The following RFC3 variants were observed in gnomAD, a reference collection of about 807,000 sequenced individuals.
RFC3 encodes the protein A1 38 kDa subunit.
Under a neutral mutation model 45.1 loss-of-function variants are expected in RFC3, and 41 were observed. The ratio of observed to expected loss-of-function variants is 0.91; its 90% CI spans 0.71 to 1.18. The LOEUF (loss-of-function observed/expected upper bound fraction) is 1.18, where lower values mean the gene tolerates loss of function less well. Among genes scored for constraint, RFC3 ranks in the 50% most tolerant of loss-of-function variants. The probability of loss-of-function intolerance (pLI) is 0.00; values close to 1 mark genes in which losing one functional copy is unlikely to be tolerated. For missense variants in RFC3, 423 were observed against 428.1 expected (o/e 0.99, Z 0.10); for synonymous variants, 149 against 144.0 (o/e 1.03, Z -0.25).
At chr13:33,843,429 C>T (rs2082214690) in intron 8 of RFC3, among the ~76,000 whole-genome samples, 1 of 152,190 alleles carries the variant, frequency 6.6e-6, no homozygotes, top group Non-Finnish European at 1.5e-5. Context: ...AGCTTATGCT[C>T]CTTTTGCAGT....
intron 8 of RFC3, among the ~76,000 whole-genome samples, chr13:33,960,361 A>T (rs1440940536): frequency 6.6e-6 from 1 of 152,204 alleles, no homozygotes; most frequent in Non-Finnish European, 1.5e-5. Context: ...GGGCTCTGGT[A>T]CCTTAAAGGA....
chr13:33,965,102 C>T (rs1254301077), intron 8 of RFC3, among the ~76,000 whole-genome samples: 1 of 152,142 alleles, frequency 6.6e-6, no homozygotes, highest in Non-Finnish European at 1.5e-5. Context: ...GAGTCAATTT[C>T]TCTTGTTTTA....
chr13:33,899,220 A>AAAAAAAAAAAAC, intron 8 of RFC3, among the ~76,000 whole-genome samples: 1 of 149,168 alleles, frequency 6.7e-6, no homozygotes, highest in Non-Finnish European at 1.5e-5. Context: ...AAAAAAAAAA[A>AAAAAAAAAAAAC]AAAAAAAAAG....
intron 8 of RFC3, among the ~76,000 whole-genome samples, chr13:33,884,921 T>C (rs1240762159): frequency 6.6e-6 from 1 of 152,236 alleles, no homozygotes; most frequent in Non-Finnish European, 1.5e-5. Flanking sequence ...CAACTTTTCC[T>C]ATGCTCCGTT....
rs2082161908 is a variant in RFC3, at chr13:33,837,073, G to A, written c.*778G>A. 2 of 977,830 alleles carry A rather than the reference G, an allele frequency of 2.0e-6. No homozygotes were observed. The highest frequency in any genetic ancestry group is 3.5e-5 in the African/African-American group (2 of 57,076). The allele number at this position is 977,830 out of a possible 1,614,324, so 60.6% of individuals were successfully genotyped here. A position where few individuals can be genotyped will look rare whatever the true frequency, so the allele number is the denominator to read the frequency against. On this transcript the variant is annotated 3_prime_UTR_variant, in exon 9 of 9. Transcript: ENST00000380071. Reference sequence around the variant, plus strand: ...TTGACAAATTTGTGTGACAGACTCCGAACAATTCCTTTACTACGAAGTATA... The same window carrying A: ...TTGACAAATTTGTGTGACAGACTCCAAACAATTCCTTTACTACGAAGTATA...
intron 8 of RFC3, among the ~76,000 whole-genome samples, chr13:33,944,293 A>T (rs2082942184): frequency 6.6e-6 from 1 of 152,220 alleles, no homozygotes; most frequent in South Asian, 2.1e-4. Context: ...ATCCTTTGCA[A>T]ATCCCTACAT....
At chr13:33,923,006 G>C (rs1050946636) in intron 8 of RFC3, among the ~76,000 whole-genome samples, 1 of 151,952 alleles carries the variant, frequency 6.6e-6, no homozygotes, top group Non-Finnish European at 1.5e-5. Flanking sequence ...CCAGGGAATT[G>C]ATAAAAGGGA....
exon 9 of RFC3, chr13:33,966,399 C>T (rs892182009): frequency 6.4e-6 from 3 of 466,372 alleles, no homozygotes; most frequent in Non-Finnish European, 1.2e-5. Flanking sequence ...ATGTCTTTCT[C>T]AGAGGACAAT....
At chr13:33,960,876 G>C (rs927549198) in intron 8 of RFC3, among the ~76,000 whole-genome samples, 1 of 152,164 alleles carries the variant, frequency 6.6e-6, no homozygotes, top group Non-Finnish European at 1.5e-5. Context: ...TTGGGGCCAC[G>C]TTTAAATCAT....
intron 8 of RFC3, among the ~76,000 whole-genome samples, chr13:33,858,654 G>T (rs1441275153): frequency 6.6e-6 from 1 of 152,120 alleles, no homozygotes; most frequent in African/African-American, 2.4e-5. Flanking sequence ...TGGACCCACG[G>T]TCATACCTAC....
intron 8 of RFC3, among the ~76,000 whole-genome samples, chr13:33,907,580 C>A (rs2082679125): frequency 6.6e-6 from 1 of 151,938 alleles, no homozygotes; most frequent in South Asian, 2.1e-4. Flanking sequence ...AGATTTAATT[C>A]ATTCTCATTT....
At chr13:33,910,333 C>T (rs1024051216) in intron 8 of RFC3, among the ~76,000 whole-genome samples, 1 of 152,068 alleles carries the variant, frequency 6.6e-6, no homozygotes, top group Non-Finnish European at 1.5e-5. Context: ...TTTTCTAAGC[C>T]TAATTTGCTC....
downstream of RFC3, among the ~76,000 whole-genome samples, chr13:33,839,929 C>T (rs567731930): frequency 2.0e-5 from 3 of 152,226 alleles, no homozygotes; most frequent in African/African-American, 7.2e-5. Context: ...AGTTTTTCTT[C>T]CCCATCTGTG....
At chr13:33,884,125 C>G (rs987013607) in intron 8 of RFC3, among the ~76,000 whole-genome samples, 2 of 152,180 alleles carry the variant, frequency 1.3e-5, no homozygotes, top group Admixed American at 1.3e-4. Flanking sequence ...ATGTACTGAA[C>G]CACCTATAAC....
At chr13:33,885,952 A>T (rs1033040726) in intron 8 of RFC3, among the ~76,000 whole-genome samples, 1 of 152,104 alleles carries the variant, frequency 6.6e-6, no homozygotes, top group Non-Finnish European at 1.5e-5. Flanking sequence ...GTCATATGAT[A>T]ACTGCTGGCC....
chr13:33,821,108 A>AC (rs2081998713), intron 1 of RFC3, 24 bp from the exon 2 acceptor site: 1 of 1,612,666 alleles, frequency 6.2e-7, no homozygotes, highest in Non-Finnish European at 8.5e-7. Context: ...GACTAGGGAA[A>AC]AATGCCTTGT....
At chr13:33,831,133 T>A in intron 6 of RFC3, 123 bp from the exon 7 acceptor site, 1 of 659,262 alleles carries the variant, frequency 1.5e-6, no homozygotes, top group Non-Finnish European at 2.7e-6. Context: ...TGCTGGCCTA[T>A]CCGCTGCTCA....
intron 8 of RFC3, chr13:33,846,423 G>A (rs915813758): frequency 6.6e-6 from 1 of 152,292 alleles, no homozygotes; most frequent in African/African-American, 2.4e-5. Context: ...CCTGGAATGA[G>A]GCCCTCAGGA....
intron 8 of RFC3, among the ~76,000 whole-genome samples, chr13:33,843,565 G>T (rs961390509): frequency 3.3e-5 from 5 of 152,208 alleles, no homozygotes; most frequent in Admixed American, 6.5e-5. Flanking sequence ...GAAAGAGCTT[G>T]ACACAGTTTC....
Sources: gnomAD v4.1 joint callset for allele counts (sites outside exome capture counted in the v4.1 genomes callset) on GRCh38, gnomAD v4.1.1 for gene constraint, MANE v1.5 for transcripts, NCBI Gene and HGNC (gene_info 2026-07-23, HGNC 2026-07-21) for gene names.